The following KAZN variants were observed in gnomAD, a reference collection of about 807,000 sequenced individuals.
KAZN encodes the protein kazrin.
KAZN carries 40 observed loss-of-function variants against 87.4 expected under a neutral mutation model. The ratio of observed to expected loss-of-function variants is 0.46; its 90% confidence interval spans 0.36 to 0.60. KAZN has a LOEUF of 0.60. Among genes scored for constraint, KAZN ranks in the 20% least tolerant of loss-of-function variants. The pLI is 0.00. For synonymous variants in KAZN, 466 were observed against 458.3 expected, an observed-to-expected ratio of 1.02 and a Z score of -0.22; for missense variants, 898 against 1,073.9, an observed-to-expected ratio of 0.84 and a Z score of 2.29.
chr1:14,190,335 C>T (rs922442942), intron 2 of KAZN, among the ~76,000 whole-genome samples: 1 of 152,118 alleles, frequency 6.6e-6, no homozygotes, highest in Non-Finnish European at 1.5e-5. Flanking sequence ...CCTCCATTAT[C>T]TCATTTAATA....
At chr1:14,724,584 T>C (rs915807448) in intron 1 of KAZN, among the ~76,000 whole-genome samples, 5 of 152,272 alleles carry the variant, frequency 3.3e-5, no homozygotes, top group African/African-American at 1.2e-4. Context: ...TCCTGGTTCC[T>C]TCTCCGTTTT....
At chr1:14,514,763 T>A (rs1671214859) in intron 2 of KAZN, among the ~76,000 whole-genome samples, 1 of 150,748 alleles carries the variant, frequency 6.6e-6, no homozygotes, top group Non-Finnish European at 1.5e-5. Flanking sequence ...TCTTGACAAA[T>A]GACTTCAACT....
intron 1 of KAZN, among the ~76,000 whole-genome samples, chr1:13,961,018 T>C (rs1438917217): frequency 6.6e-6 from 1 of 152,202 alleles, no homozygotes; most frequent in African/African-American, 2.4e-5. Context: ...AGGCACATTC[T>C]AGGTGCTGAG....
chr1:14,272,502 G>T (rs1652026413), intron 2 of KAZN, among the ~76,000 whole-genome samples: 1 of 152,156 alleles, frequency 6.6e-6, no homozygotes, highest in Non-Finnish European at 1.5e-5. Flanking sequence ...TTCATGTTTT[G>T]CATGCATGTT....
At chr1:14,415,945 A>G (rs1664719920) in intron 2 of KAZN, among the ~76,000 whole-genome samples, 1 of 152,162 alleles carries the variant, frequency 6.6e-6, no homozygotes. Flanking sequence ...AAGGGATGAG[A>G]AAAAAGACAA....
At chr1:14,615,738 C>T (rs530931216) in intron 1 of KAZN, among the ~76,000 whole-genome samples, 10 of 152,264 alleles carry the variant, frequency 6.6e-5, no homozygotes, top group East Asian at 1.9e-4. Flanking sequence ...CACCAGCCTC[C>T]GCAACTTGCA....
intron 1 of KAZN, among the ~76,000 whole-genome samples, chr1:14,609,881 C>T (rs1380405677): frequency 6.6e-6 from 1 of 152,260 alleles, no homozygotes; most frequent in East Asian, 1.9e-4. Flanking sequence ...CCAACTTCCC[C>T]TCCCTTTCTC....
In KAZN at chr1:14,599,570, C is replaced by T. The variant is rs2148595651; in HGVS notation, c.226+347C>T. 6.6e-6 allele frequency among the ~76,000 whole-genome samples: 1 copy of T among 152,240 alleles called. No individual in the cohort carries two copies. Among genetic ancestry groups the T allele is most frequent in the African/African-American group, 2.4e-5 (1 of 41,566 alleles). Reference sequence around the variant, plus strand: ...AAACTTTTCATGCCGGGGCCTTTTCCCCACCCCCCGCAGGGGTGAATGGCA... The same window carrying T: ...AAACTTTTCATGCCGGGGCCTTTTCTCCACCCCCCGCAGGGGTGAATGGCA... On this transcript the variant is annotated intron_variant, in intron 1 of 14. Coordinates refer to ENST00000376030, the MANE Select transcript of KAZN (RefSeq NM_201628.3). This position sits in a 1 kb window ranked among gnomAD's most constrained non-coding sequence, Gnocchi z 4.4.
chr1:14,397,208 A>G (rs1662972950), intron 2 of KAZN, among the ~76,000 whole-genome samples: 1 of 152,160 alleles, frequency 6.6e-6, no homozygotes, highest in Non-Finnish European at 1.5e-5. Flanking sequence ...TCATCATCTC[A>G]GGCTGCCAGA....
intron 1 of KAZN, among the ~76,000 whole-genome samples, chr1:14,065,986 C>A (rs765606280): frequency 9.9e-5 from 15 of 152,170 alleles, no homozygotes; most frequent in Non-Finnish European, 2.1e-4. Flanking sequence ...CCCTTATCTT[C>A]CTCCTGGCTT....
Position 14,436,101 on chromosome 1 carries a change from C to T in KAZN, c.250-162882C>T, listed in dbSNP as rs551110748. On this transcript the variant is annotated intron_variant, in intron 2 of 16. Coordinates refer to the KAZN transcript ENST00000636203. ...AAAATTAGCCGGGTGTGGTGGCGGG[C>T]GCCTGTAATCCCAGCTACTTGGGAG... Among the ~76,000 whole-genome samples, 28 of 152,118 alleles carry T rather than the reference C, an allele frequency of 1.8e-4. 2 individuals are homozygous for T. The highest frequency in any genetic ancestry group is 1.0e-3 in the South Asian group (5 of 4,802).
At chr1:14,944,074 A>G (rs1200725367) in intron 1 of KAZN, among the ~76,000 whole-genome samples, 2 of 150,690 alleles carry the variant, frequency 1.3e-5, no homozygotes, top group Non-Finnish European at 3.0e-5. Flanking sequence ...ACTCTGTCTC[A>G]AAAAAAAACA....
intron 1 of KAZN, among the ~76,000 whole-genome samples, chr1:14,729,807 T>C (rs1445152977): frequency 6.6e-6 from 1 of 152,208 alleles, no homozygotes; most frequent in Non-Finnish European, 1.5e-5. Flanking sequence ...TGTTTCCGTG[T>C]GGCCTATGAT....
intron 3 of KAZN, among the ~76,000 whole-genome samples, chr1:15,036,543 C>G (rs1216944423): frequency 6.6e-6 from 1 of 152,034 alleles, no homozygotes; most frequent in Non-Finnish European, 1.5e-5. Context: ...GCAGGGGAGC[C>G]CACAGAGGCT....
chr1:14,819,603 C>A (rs962389427), intron 1 of KAZN, among the ~76,000 whole-genome samples: 2 of 151,906 alleles, frequency 1.3e-5, no homozygotes, highest in South Asian at 4.2e-4. Flanking sequence ...ATTTCACAGC[C>A]GAGACTGCGG....
chr1:14,570,292 T>G (rs559572180), intron 2 of KAZN, among the ~76,000 whole-genome samples: 2 of 145,202 alleles, frequency 1.4e-5, no homozygotes, highest in African/African-American at 5.3e-5. Flanking sequence ...TTCCCAAGTG[T>G]ACAATTTCAT....
chr1:14,549,613 C>CCT lies in KAZN; in HGVS notation c.250-49370_250-49369insCT, dbSNP rs558951546. 5.1e-3 allele frequency among the ~76,000 whole-genome samples: 695 copies of CCT among 135,196 alleles called. 7 individuals are homozygous for CCT. The highest frequency in any genetic ancestry group is 0.018 in the African/African-American group (652 of 36,274). 88.7% of individuals were successfully genotyped at this position (135,196 alleles called of 152,430 possible). A position where few individuals can be genotyped will look rare whatever the true frequency, so the allele number is the denominator to read the frequency against. On this transcript the variant is annotated intron_variant, in intron 2 of 16. Coordinates refer to the KAZN transcript ENST00000636203. ...TGGTTAGGAGTTCTCCAGGCAACCC[C>CCT]TTTTTTTTTTTTTTTATTCAGGACA...
intron 2 of KAZN, among the ~76,000 whole-genome samples, chr1:14,335,076 T>C (rs1439836999): frequency 6.7e-6 from 1 of 149,068 alleles, no homozygotes; most frequent in Admixed American, 6.8e-5. Context: ...GTTTGGGCCA[T>C]GGGGGCGGAT....
intron 1 of KAZN, among the ~76,000 whole-genome samples, chr1:14,838,003 TA>T (rs1194570698): frequency 1.3e-5 from 2 of 152,000 alleles, no homozygotes; most frequent in Non-Finnish European, 2.9e-5. Context: ...CTGGATGATT[TA>T]TAAAGAAGAA....
Sources: allele counts gnomAD v4.1 joint callset (sites outside exome capture counted in the v4.1 genomes callset), GRCh38; gene constraint gnomAD v4.1.1; non-coding constraint Gnocchi (gnomAD v3.1); transcripts MANE v1.5; gene names NCBI Gene and HGNC (gene_info 2026-07-23, HGNC 2026-07-21).